PCDH11X: variants seen among roughly 807,000 people sequenced by gnomAD.
PCDH11X encodes the protein protocadherin-11 X-linked.
In PCDH11X, 18 loss-of-function variants were observed where a neutral mutation model predicts 53.3. The ratio of observed to expected loss-of-function variants is 0.34; its 90% CI spans 0.23 to 0.50. PCDH11X has a LOEUF of 0.50. Among genes scored for constraint, PCDH11X ranks in the 20% least tolerant of loss-of-function variants. The probability of loss-of-function intolerance (pLI) is 0.98; values close to 1 mark genes in which losing one functional copy is unlikely to be tolerated. For synonymous variants in PCDH11X, 279 were observed against 393.3 expected (o/e 0.71, Z 3.44); for missense variants, 570 against 1,032.4 (o/e 0.55, Z 6.14).
At chrX:92,389,143 A>G (rs1472259901) in intron 9 of PCDH11X, among the ~76,000 whole-genome samples, 1 of 100,478 alleles carries the variant, frequency 1.0e-5, no homozygotes, top group East Asian at 3.1e-4. Flanking sequence ...TACTATCTCC[A>G]TTTTCAATTT....
chrX:92,175,572 A>G (rs2065891942), intron 6 of PCDH11X, among the ~76,000 whole-genome samples: 1 of 109,411 alleles, frequency 9.1e-6, no homozygotes, highest in Non-Finnish European at 1.9e-5. Context: ...ACTAACTAAT[A>G]AGGATAGACT....
At chrX:92,292,075 G>T (rs2068505229) in intron 8 of PCDH11X, among the ~76,000 whole-genome samples, 1 of 111,424 alleles carries the variant, frequency 9.0e-6, no homozygotes. Flanking sequence ...ATAATATACT[G>T]GGTACTATAT....
chrX:92,604,237 TA>T (rs1299417033), intron 10 of PCDH11X, among the ~76,000 whole-genome samples: 4 of 109,791 alleles, frequency 3.6e-5, no homozygotes, highest in East Asian at 2.9e-4. Flanking sequence ...TCAGCTTCAT[TA>T]AAAATACATA....
chrX:92,330,644 G>A (rs2069442138), intron 8 of PCDH11X, among the ~76,000 whole-genome samples: 1 of 111,012 alleles, frequency 9.0e-6, no homozygotes, highest in African/African-American at 3.3e-5. Flanking sequence ...TATAGTTGAA[G>A]TCTAGGCACA....
intron 7 of PCDH11X, among the ~76,000 whole-genome samples, chrX:92,209,482 T>C (rs182161663): frequency 2.7e-5 from 3 of 112,471 alleles, no homozygotes; most frequent in South Asian, 3.6e-4. Flanking sequence ...CTTTATACCA[T>C]GTCTTACATC....
At chrX:92,220,824 A>G (rs1442799860) in intron 7 of PCDH11X, among the ~76,000 whole-genome samples, 2 of 105,773 alleles carry the variant, frequency 1.9e-5, no homozygotes, top group African/African-American at 6.9e-5. Flanking sequence ...GATAGACTGG[A>G]TTAAGAAAAT....
chrX:92,523,574 T>G (rs1235346330), intron 10 of PCDH11X, among the ~76,000 whole-genome samples: 2 of 111,805 alleles, frequency 1.8e-5, no homozygotes, highest in Non-Finnish European at 3.8e-5. Flanking sequence ...AATTCCCTCC[T>G]AGACTCAGTG....
intron 6 of PCDH11X, among the ~76,000 whole-genome samples, chrX:92,152,101 G>A (rs2065445355): frequency 1.2e-5 from 1 of 82,196 alleles, no homozygotes; most frequent in Non-Finnish European, 2.3e-5. Flanking sequence ...CAGATGTGTC[G>A]ATTGTGTAGA....
chrX:92,453,678 A>G (rs1428646812), intron 9 of PCDH11X, among the ~76,000 whole-genome samples: 1 of 110,710 alleles, frequency 9.0e-6, no homozygotes, highest in Non-Finnish European at 1.9e-5. Flanking sequence ...TTCTGCTGAG[A>G]CAGTGTATGA....
At chrX:92,265,362 G>T (rs2067806576) in intron 8 of PCDH11X, among the ~76,000 whole-genome samples, 2 of 111,025 alleles carry the variant, frequency 1.8e-5, no homozygotes, top group African/African-American at 6.6e-5. Context: ...GGTTGCTCAG[G>T]TTTGATGTCA....
intron 6 of PCDH11X, among the ~76,000 whole-genome samples, chrX:92,154,404 G>A (rs1253402407): frequency 1.8e-5 from 2 of 109,242 alleles, no homozygotes; most frequent in East Asian, 5.7e-4. Context: ...GTTTTTCTGG[G>A]ACAATCTGGT....
intron 8 of PCDH11X, among the ~76,000 whole-genome samples, chrX:92,305,830 C>T (rs1185348775): frequency 9.1e-6 from 1 of 109,859 alleles, no homozygotes; most frequent in Non-Finnish European, 1.9e-5. Flanking sequence ...TACTATTTTG[C>T]TGCACTTATC....
chrX:92,232,959 C>CCCG (rs1404727610), intron 7 of PCDH11X, among the ~76,000 whole-genome samples: 1 of 111,567 alleles, frequency 9.0e-6, no homozygotes, highest in African/African-American at 3.3e-5. Context: ...TCCTGATCCG[C>CCCG]CCACCGCGGC....
chrX:92,282,320 C>A (rs2068268339), intron 8 of PCDH11X, among the ~76,000 whole-genome samples: 1 of 111,354 alleles, frequency 9.0e-6, no homozygotes, highest in Non-Finnish European at 1.9e-5. Flanking sequence ...ATAAGAAATA[C>A]AAAACCTACA....
intron 5 of PCDH11X, among the ~76,000 whole-genome samples, chrX:91,843,201 T>C (rs1194762446): frequency 9.3e-6 from 1 of 108,034 alleles, no homozygotes; most frequent in Non-Finnish European, 1.9e-5. Flanking sequence ...ATCAGGATTA[T>C]ATTTTTGCTC....
intron 5 of PCDH11X, among the ~76,000 whole-genome samples, chrX:91,875,277 A>G (rs1254276898): frequency 1.6e-5 from 1 of 63,755 alleles, no homozygotes; most frequent in East Asian, 4.8e-4. Flanking sequence ...CAGGGAGGGG[A>G]TTTTTTTTTT....
At chrX:92,484,530 AC>A (rs1298750848) in intron 10 of PCDH11X, among the ~76,000 whole-genome samples, 1 of 108,216 alleles carries the variant, frequency 9.2e-6, no homozygotes, top group Non-Finnish European at 1.9e-5. Flanking sequence ...ATATGTACAT[AC>A]CATGGAACAC....
intron 4 of PCDH11X, among the ~76,000 whole-genome samples, chrX:91,820,922 G>A (rs750186009): frequency 0.012 from 1,338 of 107,848 alleles, 46 homozygotes; most frequent in Admixed American, 0.089. Context: ...CCATTTATTA[G>A]ATAGGGAATC....
chrX:92,278,328 G>A (rs2068157107), intron 8 of PCDH11X, among the ~76,000 whole-genome samples: 1 of 111,835 alleles, frequency 8.9e-6, no homozygotes, highest in Admixed American at 9.5e-5. Flanking sequence ...GATCTCCTAA[G>A]GGAGGTCCCC....
Sources: gnomAD v4.1 joint callset for allele counts (sites outside exome capture counted in the v4.1 genomes callset) on GRCh38, gnomAD v4.1.1 for gene constraint, MANE v1.5 for transcripts, NCBI Gene and HGNC (gene_info 2026-07-23, HGNC 2026-07-21) for gene names.